Variants in POLN observed in about 807,000 individuals in gnomAD.
The protein encoded by POLN is DNA polymerase nu, also known as DNA polymerase N.
A neutral mutation model predicts 113.5 loss-of-function variants in POLN; 108 were observed. That is an observed-to-expected ratio of 0.95 (90% CI 0.81 to 1.12). The LOEUF (loss-of-function observed/expected upper bound fraction) is 1.12. Ranked by LOEUF, POLN falls within the 50% of genes most tolerant of loss-of-function variation. The probability of loss-of-function intolerance (pLI) is 0.00; values close to 1 mark genes in which losing one functional copy is unlikely to be tolerated. For missense variants in POLN, 1,097 were observed against 1,077.1 expected (o/e 1.02, Z -0.26); for synonymous variants, 386 against 391.5 (o/e 0.99, Z 0.17).
Position 2,208,090 on chromosome 4 carries a change from T to C in POLN, c.611A>G (p.Asp204Gly). The part of the protein sequence containing the change: ...KKHFCDIRHL[D>G]DWAKSQLIEM... ...AATCAGCTGGCTTTTTGCCCAATCATCCAAATGCCTAATATCACAAAAATG... is the reference window on the plus strand; with the variant it reads ...AATCAGCTGGCTTTTTGCCCAATCACCCAAATGCCTAATATCACAAAAATG... The change falls in exon 5 of 26, where the codon GAT becomes GGT. Residue 204 changes from aspartate (D) to glycine (G), a missense_variant. Transcript: ENST00000511885. 6.2e-7 allele frequency: 1 copy of C among 1,614,200 alleles called. No individual in the cohort carries two copies. Among genetic ancestry groups the C allele is most frequent in the Non-Finnish European group, 8.5e-7 (1 of 1,180,024 alleles).
intron 13 of POLN, 125 bp from the exon 14 acceptor site, chr4:2,159,336 G>T: frequency 1.3e-6 from 1 of 797,798 alleles, no homozygotes; most frequent in Non-Finnish European, 2.0e-6. Flanking sequence ...AAATAAAGAT[G>T]CATAATAAAC....
At chr4:2,123,182 A>T (rs2108720377) in intron 19 of POLN, among the ~76,000 whole-genome samples, 1 of 151,972 alleles carries the variant, frequency 6.6e-6, no homozygotes, top group East Asian at 1.9e-4. Context: ...ACCAAACCAA[A>T]CCAAACCAAA....
intron 16 of POLN, among the ~76,000 whole-genome samples, chr4:2,132,189 A>G (rs1577712362): frequency 2.0e-5 from 3 of 152,232 alleles, no homozygotes; most frequent in Admixed American, 2.0e-4. Flanking sequence ...TTAGAATCAC[A>G]TGATACCTCA....
chr4:2,113,214 C>T (rs1731238909), intron 19 of POLN, among the ~76,000 whole-genome samples: 1 of 122,534 alleles, frequency 8.2e-6, no homozygotes, highest in Non-Finnish European at 1.6e-5. Flanking sequence ...GGAAGGGGAA[C>T]ATCACACACC....
chr4:2,156,218 A>G (rs1408434942), intron 16 of POLN, among the ~76,000 whole-genome samples: 3 of 152,214 alleles, frequency 2.0e-5, no homozygotes, highest in Admixed American at 2.0e-4. Flanking sequence ...ATAACAAGTG[A>G]CTTATTACTA....
intron 23 of POLN, among the ~76,000 whole-genome samples, chr4:2,077,550 A>G (rs1730305514): frequency 6.6e-6 from 1 of 152,256 alleles, no homozygotes; most frequent in Admixed American, 6.5e-5. Context: ...CCAGGCTGTC[A>G]GCACCAGCAA....
chr4:2,122,260 T>C (rs1731460708), intron 19 of POLN, among the ~76,000 whole-genome samples: 1 of 152,194 alleles, frequency 6.6e-6, no homozygotes, highest in Non-Finnish European at 1.5e-5. Flanking sequence ...AGACTTCCCA[T>C]ACCTCTGGAG....
At chr4:2,088,622 C>A (rs1730600746) in intron 20 of POLN, 1 of 634,596 alleles carries the variant, frequency 1.6e-6, no homozygotes, top group Non-Finnish European at 2.3e-6. Context: ...ATGAAAATCA[C>A]AATTTGAATC....
intron 3 of POLN, among the ~76,000 whole-genome samples, chr4:2,220,058 T>C (rs1734217722): frequency 6.6e-6 from 1 of 152,154 alleles, no homozygotes; most frequent in Admixed American, 6.6e-5. Context: ...AGAATCTCTT[T>C]CGTCCCTGTG....
At chr4:2,213,164 A>C (rs1245611882) in intron 3 of POLN, 38 bp from the exon 4 acceptor site, 1 of 1,354,754 alleles carries the variant, frequency 7.4e-7, no homozygotes, top group Non-Finnish European at 1.0e-6. Context: ...GGGGCATTAA[A>C]GAAACATTGA....
intron 23 of POLN, 23 bp from the exon 24 acceptor site, chr4:2,075,542 C>T: frequency 1.2e-6 from 2 of 1,611,808 alleles, no homozygotes; most frequent in Non-Finnish European, 1.7e-6. Context: ...GAAGGAGTCA[C>T]CCTGGGAGGC....
At chr4:2,122,151 G>A (rs1397355973) in intron 19 of POLN, among the ~76,000 whole-genome samples, 1 of 152,054 alleles carries the variant, frequency 6.6e-6, no homozygotes, top group Non-Finnish European at 1.5e-5. Context: ...TCTAAGGTAG[G>A]AAATCCAGGA....
chr4:2,216,030 G>A (rs951786207), intron 3 of POLN, among the ~76,000 whole-genome samples: 6 of 152,140 alleles, frequency 3.9e-5, no homozygotes, highest in Admixed American at 6.5e-5. Context: ...CATCAAATTT[G>A]GGCAGGGGAC....
rs753502025 is a variant in POLN, at chr4:2,198,607, C to A, written c.825G>T (p.Val275=). Residue 275 remains valine, a synonymous_variant, in exon 6 of 26, where the codon GTG becomes GTT. Coordinates refer to ENST00000511885, the MANE Select transcript of POLN (RefSeq NM_181808.4). ...PACGPVLEGF[V]SDDPCIYIQI... is the part of the protein sequence containing the mutation. ...GAATGTAGATGCATGGATCATCTGACACAAAGCCCTCCAGAACAGGACCAC... is the reference window on the plus strand; with the variant it reads ...GAATGTAGATGCATGGATCATCTGAAACAAAGCCCTCCAGAACAGGACCAC... The A allele has an allele frequency of 1.2e-6, 2 of 1,613,954 alleles. No individual in the cohort carries two copies. Among genetic ancestry groups the A allele is most frequent in the Non-Finnish European group, 1.7e-6 (2 of 1,179,994 alleles).
At chr4:2,074,574 T>C (rs1241926879) in intron 24 of POLN, among the ~76,000 whole-genome samples, 1 of 152,184 alleles carries the variant, frequency 6.6e-6, no homozygotes, top group Non-Finnish European at 1.5e-5. Flanking sequence ...GGCAGAGCCC[T>C]GCTTTAGGAT....
intron 4 of POLN, among the ~76,000 whole-genome samples, chr4:2,209,651 C>A (rs901220650): frequency 7.2e-6 from 1 of 139,366 alleles, no homozygotes; most frequent in African/African-American, 2.8e-5. Context: ...GGTTTCTTTC[C>A]TTTTCCTTTT....
At chr4:2,124,362 G>A (rs575089146) in intron 19 of POLN, among the ~76,000 whole-genome samples, 56 of 152,174 alleles carry the variant, frequency 3.7e-4, no homozygotes, top group Admixed American at 2.0e-3. Context: ...CTCAACCTGG[G>A]CTCAAGCAAT....
Position 2,218,443 on chromosome 4 carries a change from TA to T in POLN, c.134-5318del, listed in dbSNP as rs577978110. Among the ~76,000 whole-genome samples, 248 of 145,912 alleles carry T rather than the reference TA, an allele frequency of 1.7e-3. 1 individual carries two copies. Among genetic ancestry groups the T allele is most frequent in the African/African-American group, 4.6e-3 (182 of 39,924 alleles). On this transcript the variant is annotated intron_variant, in intron 3 of 25. Transcript: ENST00000511885. Reference sequence around the variant, plus strand: ...CTGGGCAACAAGGGTGAAACTGCCTTAAAAAAAAAAAGGCACTAATTTGTCC... The same window carrying T: ...CTGGGCAACAAGGGTGAAACTGCCTTAAAAAAAAAAGGCACTAATTTGTCC...
chr4:2,156,611 C>A (rs1055742762), intron 16 of POLN, 177 bp downstream of exon 16: 1 of 665,816 alleles, frequency 1.5e-6, no homozygotes, highest in East Asian at 2.8e-5. Flanking sequence ...GAGAAGAGAA[C>A]CCATCTGTCT....
Sources: gnomAD v4.1 joint callset for allele counts (sites outside exome capture counted in the v4.1 genomes callset) on GRCh38, gnomAD v4.1.1 for gene constraint, MANE v1.5 for transcripts, NCBI Gene and HGNC (gene_info 2026-07-23, HGNC 2026-07-21) for gene names.